Variants in FGF10 observed in about 807,000 individuals in gnomAD.
FGF10 encodes fibroblast growth factor 10, also known as FGF-10.
FGF10 carries 2 observed loss-of-function variants against 19.8 expected under a neutral mutation model. That is an observed-to-expected ratio of 0.10 (90% CI 0.04 to 0.32). The LOEUF (loss-of-function observed/expected upper bound fraction) is 0.32. Among genes scored for constraint, FGF10 ranks in the 10% least tolerant of loss-of-function variants. The pLI is 1.00. For missense variants in FGF10, 191 were observed against 246.3 expected (o/e 0.78, Z 1.50); for synonymous variants, 112 against 94.0 (o/e 1.19, Z -1.10).
At chr5:44,379,630 C>T (rs1741943942) in intron 1 of FGF10, among the ~76,000 whole-genome samples, 1 of 152,164 alleles carries the variant, frequency 6.6e-6, no homozygotes, top group African/African-American at 2.4e-5. Flanking sequence ...AGCCTGGCTG[C>T]GATGACTTCT....
intron 1 of FGF10, 44 bp downstream of exon 1, chr5:44,388,314 G>A: frequency 1.9e-6 from 3 of 1,573,080 alleles, no homozygotes; most frequent in African/African-American, 1.3e-5. Flanking sequence ...GTGTGGGCTG[G>A]GGGTGGATAA....
intron 1 of FGF10, among the ~76,000 whole-genome samples, chr5:44,367,170 T>G (rs891023350): frequency 3.3e-5 from 5 of 152,100 alleles, no homozygotes; most frequent in African/African-American, 1.2e-4. Context: ...ATGTTTCCAT[T>G]TATCATCCTT....
chr5:44,317,752 T>A (rs1449741665), intron 1 of FGF10, among the ~76,000 whole-genome samples: 1 of 152,020 alleles, frequency 6.6e-6, no homozygotes. Flanking sequence ...TCCTCACTGG[T>A]AGAGATTTTT....
At chr5:44,328,867 G>A (rs763147360) in intron 1 of FGF10, among the ~76,000 whole-genome samples, 14 of 152,144 alleles carry the variant, frequency 9.2e-5, no homozygotes, top group East Asian at 1.9e-4. Context: ...GTATGGCAGC[G>A]CACACCTGTA....
intron 1 of FGF10, among the ~76,000 whole-genome samples, chr5:44,366,450 G>A (rs16874036): frequency 0.29 from 43,326 of 151,778 alleles, 6,426 homozygotes; most frequent in Admixed American, 0.4. Flanking sequence ...TCAGAGCCAG[G>A]AAAGAAGGAG....
At chr5:44,372,771 A>C (rs148722281) in intron 1 of FGF10, among the ~76,000 whole-genome samples, 1 of 152,340 alleles carries the variant, frequency 6.6e-6, no homozygotes, top group African/African-American at 2.4e-5. Context: ...CTTATTCCAA[A>C]AGGAGAAAAA....
intron 1 of FGF10, among the ~76,000 whole-genome samples, chr5:44,349,455 T>TC (rs1208695607): frequency 2.8e-5 from 1 of 35,996 alleles, no homozygotes; most frequent in Non-Finnish European, 5.3e-5. Context: ...TATATATATA[T>TC]ATATATATAT....
At chr5:44,350,350 T>A (rs1741204605) in intron 1 of FGF10, among the ~76,000 whole-genome samples, 1 of 150,792 alleles carries the variant, frequency 6.6e-6, no homozygotes. Flanking sequence ...CAGTATGATG[T>A]CTCCTCAGAT....
At chr5:44,311,582 T>C (rs927212907) in intron 1 of FGF10, among the ~76,000 whole-genome samples, 1 of 152,074 alleles carries the variant, frequency 6.6e-6, no homozygotes, top group Admixed American at 6.6e-5. Context: ...ACCTCCCTCA[T>C]AATTTTGTTG....
At chr5:44,350,986 C>G (rs1280189770) in intron 1 of FGF10, among the ~76,000 whole-genome samples, 1 of 151,286 alleles carries the variant, frequency 6.6e-6, no homozygotes, top group Non-Finnish European at 1.5e-5. Context: ...TTTAAAAGTA[C>G]TTAAAGTAGG....
intron 1 of FGF10, among the ~76,000 whole-genome samples, chr5:44,321,198 G>A (rs147412590): frequency 7.2e-5 from 11 of 152,268 alleles, no homozygotes; most frequent in African/African-American, 2.6e-4. Context: ...AGAGGCTGCA[G>A]TTCAAAAGTT....
chr5:44,322,249 A>T (rs1740511128), intron 1 of FGF10, among the ~76,000 whole-genome samples: 1 of 152,070 alleles, frequency 6.6e-6, no homozygotes, highest in Non-Finnish European at 1.5e-5. Flanking sequence ...TAGTCAACAA[A>T]CTCAATCTGT....
intron 1 of FGF10, among the ~76,000 whole-genome samples, chr5:44,311,860 C>G (rs1441111594): frequency 2.6e-5 from 4 of 152,038 alleles, no homozygotes; most frequent in Admixed American, 6.6e-5. Flanking sequence ...TCACTCTTCC[C>G]ATAGAGATAG....
chr5:44,371,397 A>G (rs796643258), intron 1 of FGF10, among the ~76,000 whole-genome samples: 14 of 152,254 alleles, frequency 9.2e-5, no homozygotes, highest in African/African-American at 3.4e-4. Flanking sequence ...GCCCAGTTTC[A>G]GGTAGTCTCT....
chr5:44,387,193 C>G lies in FGF10; in HGVS notation c.325+1165G>C, dbSNP rs898719578. Among the ~76,000 whole-genome samples, 8 of 152,198 alleles carry G rather than the reference C, an allele frequency of 5.3e-5. 1 individual carries two copies. The highest frequency in any genetic ancestry group is 5.2e-4 in the Admixed American group (8 of 15,276). ...AATAGTGGATGAATAAGTCTCACCA[C>G]TTGAAAGTATCTGAGAAAGGAAGTC... On this transcript the variant is annotated intron_variant, in intron 1 of 2. Coordinates refer to ENST00000264664, the MANE Select transcript of FGF10 (RefSeq NM_004465.2).
At chr5:44,349,422 T>TTATA (rs869035955) in intron 1 of FGF10, among the ~76,000 whole-genome samples, 32 of 41,416 alleles carry the variant, frequency 7.7e-4, no homozygotes, top group East Asian at 3.4e-3. Flanking sequence ...AGCATTTTCT[T>TTATA]TATATATATA....
At chr5:44,345,119 T>A (rs1741058205) in intron 1 of FGF10, among the ~76,000 whole-genome samples, 1 of 151,894 alleles carries the variant, frequency 6.6e-6, no homozygotes, top group Non-Finnish European at 1.5e-5. Flanking sequence ...TTTTAAAGCA[T>A]CCACACTAGC....
intron 1 of FGF10, among the ~76,000 whole-genome samples, chr5:44,345,238 A>T (rs1302120158): frequency 6.6e-6 from 1 of 151,890 alleles, no homozygotes; most frequent in African/African-American, 2.4e-5. Context: ...CTGGAAAATA[A>T]TGAATATAGA....
chr5:44,364,970 A>G lies in FGF10; in HGVS notation c.325+23388T>C, dbSNP rs190933947. On this transcript the variant is annotated intron_variant, in intron 1 of 2. Transcript: ENST00000264664. ...GCAAAATGAGCTAAAATGAGAGAATAAGAGATATGAGTTAAAAAATATATA... is the reference window on the plus strand; with the variant it reads ...GCAAAATGAGCTAAAATGAGAGAATGAGAGATATGAGTTAAAAAATATATA... Among the ~76,000 whole-genome samples, 196 of 152,084 alleles carry G rather than the reference A, an allele frequency of 1.3e-3. 1 individual carries two copies. The highest frequency in any genetic ancestry group is 4.6e-3 in the African/African-American group (190 of 41,542).
Sources: gnomAD v4.1 joint callset for allele counts (sites outside exome capture counted in the v4.1 genomes callset) on GRCh38, gnomAD v4.1.1 for gene constraint, MANE v1.5 for transcripts, NCBI Gene and HGNC (gene_info 2026-07-23, HGNC 2026-07-21) for gene names.